The following TK2 variants were observed in gnomAD, a reference collection of about 807,000 sequenced individuals.
The protein encoded by TK2 is thymidine kinase 2.
A neutral mutation model predicts 41.9 loss-of-function variants in TK2; 35 were observed. That is an observed-to-expected ratio of 0.84 (90% CI 0.64 to 1.11). The LOEUF is 1.11. Ranked by LOEUF, TK2 falls within the 50% of genes least tolerant of loss-of-function variation. The probability of loss-of-function intolerance (pLI) is 0.00; values close to 1 mark genes in which losing one functional copy is unlikely to be tolerated. For missense variants in TK2, 320 were observed against 351.1 expected (o/e 0.91, Z 0.71); for synonymous variants, 128 against 129.1 (o/e 0.99, Z 0.06).
chr16:66,549,856 C>T (rs1597115877), intron 1 of TK2, 82 bp downstream of exon 1: 43 of 1,285,546 alleles, frequency 3.3e-5, no homozygotes, highest in Non-Finnish European at 4.0e-5. Context: ...GCTTCGGGCT[C>T]GGGCGGGTTC....
intron 8 of TK2, among the ~76,000 whole-genome samples, chr16:66,516,194 G>T (rs538853166): frequency 5.3e-5 from 8 of 152,254 alleles, no homozygotes; most frequent in Admixed American, 3.3e-4. Flanking sequence ...GTGGGTTTGG[G>T]GGGGGTTACA....
In TK2 at chr16:66,511,626, G is replaced by A. The variant is rs544189950; in HGVS notation, c.*342C>T. The A allele has an allele frequency of 1.0e-5, 4 of 397,776 alleles. No homozygotes were observed. The highest frequency in any genetic ancestry group is 4.4e-5 in the South Asian group (2 of 45,836). The allele number at this position is 397,776 out of a possible 1,614,324, so 24.6% of individuals were successfully genotyped here. A position where few individuals can be genotyped will look rare whatever the true frequency, so the allele number is the denominator to read the frequency against. On this transcript the variant is annotated 3_prime_UTR_variant, in exon 10 of 10. Coordinates refer to ENST00000544898, the MANE Select transcript of TK2 (RefSeq NM_004614.5). ...TCGGCCTCCTAATGAAGGCTGAGACGATTGGTACACAGCTCCAGCGTGGTG... is the reference window on the plus strand; with the variant it reads ...TCGGCCTCCTAATGAAGGCTGAGACAATTGGTACACAGCTCCAGCGTGGTG...
At chr16:66,515,568 G>C (rs1266149419) in intron 8 of TK2, among the ~76,000 whole-genome samples, 2 of 152,246 alleles carry the variant, frequency 1.3e-5, no homozygotes, top group Non-Finnish European at 2.9e-5. Context: ...CTCTGCAGCA[G>C]CCTTTACATC....
chr16:66,513,039 C>T (rs1274381754), intron 9 of TK2, among the ~76,000 whole-genome samples: 2 of 152,156 alleles, frequency 1.3e-5, no homozygotes, highest in African/African-American at 2.4e-5. Flanking sequence ...CCAATCAAGA[C>T]TCGGAGGGAC....
chr16:66,517,003 T>G lies in TK2; in HGVS notation c.618+133A>C. The G allele has an allele frequency of 1.2e-6, 1 of 842,300 alleles. No individual in the cohort carries two copies. The highest frequency in any genetic ancestry group is 1.3e-5 in the South Asian group (1 of 75,074). 52.2% of individuals were successfully genotyped at this position (842,300 alleles called of 1,614,324 possible). On this transcript the variant is annotated intron_variant, in intron 8 of 9. Transcript: ENST00000544898. This position sits in a 1 kb window ranked among gnomAD's most constrained non-coding sequence, Gnocchi z 4.3. ...CAGGAAGTCAGAGTTCACCCTCTGA[T>G]ACACTTGGTTCCTGTTCTCTCTCTG...
chr16:66,542,655 G>C (rs1450945628), intron 2 of TK2, among the ~76,000 whole-genome samples: 3 of 152,186 alleles, frequency 2.0e-5, no homozygotes, highest in Non-Finnish European at 4.4e-5. Flanking sequence ...CATGGCACTA[G>C]TGGGAGGGGC....
intron 6 of TK2, among the ~76,000 whole-genome samples, chr16:66,526,912 G>A (rs1358182859): frequency 6.6e-6 from 1 of 152,218 alleles, no homozygotes; most frequent in African/African-American, 2.4e-5. Flanking sequence ...TTGAGACGGA[G>A]TCTCGCTCTG....
At chr16:66,522,195 C>A (rs1964801103) in intron 6 of TK2, among the ~76,000 whole-genome samples, 1 of 152,200 alleles carries the variant, frequency 6.6e-6, no homozygotes, top group Non-Finnish European at 1.5e-5. Flanking sequence ...CAGTGTCTCT[C>A]TAGCCTGAGC....
At chr16:66,536,816 A>G in intron 4 of TK2, 148 bp downstream of exon 4, 1 of 951,528 alleles carries the variant, frequency 1.1e-6, no homozygotes, top group South Asian at 1.3e-5. Flanking sequence ...CCAACATGCC[A>G]CCATTTTCTG....
chr16:66,529,416 T>C (rs1965039840), intron 5 of TK2, among the ~76,000 whole-genome samples: 1 of 152,208 alleles, frequency 6.6e-6, no homozygotes, highest in Admixed American at 6.5e-5. Context: ...CATCCAAAGC[T>C]GTCCACTTGA....
intron 6 of TK2, chr16:66,518,187 G>A: frequency 2.5e-6 from 1 of 400,226 alleles, no homozygotes; most frequent in Non-Finnish European, 4.7e-6. Context: ...AACAGAGACA[G>A]TGCTCAGGTT....
In TK2 at chr16:66,550,003, CCCGGCCCAAAGCAGCGCAGCGCCCGG is replaced by C. The variant is rs1965743267; in HGVS notation, c.33_58del (p.Arg12LysfsTer23). The C allele has an allele frequency of 6.5e-7, 1 of 1,530,978 alleles. No individual in the cohort carries two copies. The highest frequency in any genetic ancestry group is 1.4e-5 in the African/African-American group (1 of 70,470). The allele number at this position is 1,530,978 out of a possible 1,614,324, so 94.8% of individuals were successfully genotyped here. ...GCCTGAGGCCGGGCTCCCGCGACTT[CCCGGCCCAAAGCAGCGCAGCGCCCGG>C]GCGGCCCAGCCCCGCAGCGGCCACA... On this transcript the variant is annotated frameshift_variant, in exon 1 of 10. Coordinates refer to ENST00000544898, the MANE Select transcript of TK2 (RefSeq NM_004614.5). LOFTEE classifies it high-confidence loss of function.
At chr16:66,516,069 G>A (rs1291451705) in intron 8 of TK2, among the ~76,000 whole-genome samples, 1 of 152,076 alleles carries the variant, frequency 6.6e-6, no homozygotes, top group African/African-American at 2.4e-5. Context: ...AGAGGACACG[G>A]AGGGAATAAG....
In TK2 at chr16:66,550,027, C is replaced by A; in HGVS notation, c.35G>T (p.Arg12Leu). Residue 12 changes from arginine (R) to leucine (L), a missense_variant, in exon 1 of 10, where the codon CGG becomes CTG. Coordinates refer to ENST00000544898, the MANE Select transcript of TK2 (RefSeq NM_004614.5). Reference sequence around the variant, plus strand: ...TCCCGGCCCAAAGCAGCGCAGCGCCCGGGCGGCCCAGCCCCGCAGCGGCCA... The same window carrying A: ...TCCCGGCCCAAAGCAGCGCAGCGCCAGGGCGGCCCAGCCCCGCAGCGGCCA... ...LLWPLRGWAARALRCFGPGSR... is the reference protein window; with the variant it reads ...LLWPLRGWAALALRCFGPGSR... The A allele has an allele frequency of 1.3e-6, 2 of 1,550,492 alleles. No individual in the cohort carries two copies. The highest frequency in any genetic ancestry group is 1.7e-6 in the Non-Finnish European group (2 of 1,148,716).
intron 1 of TK2, 144 bp downstream of exon 1, chr16:66,549,788 GATGGCC>G: frequency 7.8e-7 from 1 of 1,284,780 alleles, no homozygotes; most frequent in Non-Finnish European, 9.8e-7. Flanking sequence ...GGTAACGGCC[GATGGCC>G]GCCCCCGTCC....
In TK2 at chr16:66,514,986, T is replaced by A. The variant is rs1174832284; in HGVS notation, c.619-1175A>T. Among the ~76,000 whole-genome samples the A allele has an allele frequency of 6.6e-5, 10 of 152,128 alleles. No homozygotes were observed. The highest frequency in any genetic ancestry group is 2.4e-4 in the African/African-American group (10 of 41,412). On this transcript the variant is annotated intron_variant, in intron 8 of 9. Transcript: ENST00000544898. The surrounding 1 kb of genome is among the most constrained non-coding windows in gnomAD (Gnocchi z 4.2). ...AAGGTAGCATACTCATTAAGAGTCA[T>A]CACCATTCCCTAATCTCAAGTACCC... is the stretch of plus-strand genomic sequence containing the variant.
At position 66,513,816 on chromosome 16, in the gene TK2, C is replaced by G. The variant is rs768393665; in HGVS notation, c.619-5G>C. ...GTGAATTGCTTCCAGGTATTCCTGC[C>G]AGGGAAACACAAGCAGTCTGTCGGG... On this transcript the variant is annotated splice_polypyrimidine_tract_variant and splice_region_variant and intron_variant, in intron 8 of 9. Coordinates refer to ENST00000544898, the MANE Select transcript of TK2 (RefSeq NM_004614.5). 148 of 1,613,762 alleles carry G rather than the reference C, an allele frequency of 9.2e-5. 4 individuals are homozygous for G. The South Asian group carries it at 1.6e-3, about 17-fold the overall frequency.
intron 6 of TK2, among the ~76,000 whole-genome samples, chr16:66,524,308 G>A (rs1053634615): frequency 3.3e-5 from 5 of 152,030 alleles, no homozygotes; most frequent in African/African-American, 1.2e-4. Flanking sequence ...GATGGAGGGC[G>A]CCCTGTGGAC....
intron 2 of TK2, among the ~76,000 whole-genome samples, chr16:66,542,912 G>A (rs763074220): frequency 6.6e-6 from 1 of 152,076 alleles, no homozygotes; most frequent in African/African-American, 2.4e-5. Context: ...CACTCTTGTT[G>A]CCCAGGCTGG....
Sources: allele counts gnomAD v4.1 joint callset (sites outside exome capture counted in the v4.1 genomes callset), GRCh38; gene constraint gnomAD v4.1.1; non-coding constraint Gnocchi (gnomAD v3.1); transcripts MANE v1.5; gene names NCBI Gene and HGNC (gene_info 2026-07-23, HGNC 2026-07-21).